Variants in DLG2 observed in about 807,000 individuals in gnomAD.
DLG2 encodes the protein discs large MAGUK scaffold protein 2, also known as disks large homolog 2.
DLG2 carries 45 observed loss-of-function variants against 132.5 expected under a neutral mutation model. The observed-to-expected ratio is 0.34, with a 90% CI of 0.27 to 0.44. The LOEUF (loss-of-function observed/expected upper bound fraction) is 0.44. Ranked by LOEUF, DLG2 falls within the 20% of genes least tolerant of loss-of-function variation. The pLI is 1.00. For missense variants in DLG2, 1,045 were observed against 1,196.9 expected, an observed-to-expected ratio of 0.87 and a Z score of 1.87; for synonymous variants, 424 against 419.6, an observed-to-expected ratio of 1.01 and a Z score of -0.13.
chr11:83,633,372 A>G, intron 18 of DLG2, 47 bp from the exon 19 acceptor site: 1 of 1,523,788 alleles, frequency 6.6e-7, no homozygotes, highest in Non-Finnish European at 9.0e-7. Flanking sequence ...TGCCCTCAAG[A>G]GTTGGAAATG....
intron 6 of DLG2, among the ~76,000 whole-genome samples, chr11:84,638,229 A>G (rs1366494896): frequency 6.6e-6 from 1 of 152,254 alleles, no homozygotes; most frequent in African/African-American, 2.4e-5. Flanking sequence ...ATCCTTGCTT[A>G]ACCTCCTGCA....
intron 14 of DLG2, among the ~76,000 whole-genome samples, chr11:83,949,447 G>T (rs2154145868): frequency 6.9e-6 from 1 of 145,118 alleles, no homozygotes. Flanking sequence ...GGGGAAGGAG[G>T]AAGCAATTTA....
chr11:85,179,062 A>T (rs1275662353), intron 4 of DLG2, among the ~76,000 whole-genome samples: 1 of 151,968 alleles, frequency 6.6e-6, no homozygotes, highest in Non-Finnish European at 1.5e-5. Context: ...TCAGACACAC[A>T]AGAGTAAAAC....
chr11:84,550,751 T>C (rs2099400254), intron 6 of DLG2, among the ~76,000 whole-genome samples: 1 of 152,198 alleles, frequency 6.6e-6, no homozygotes, highest in Non-Finnish European at 1.5e-5. Flanking sequence ...CCATTATTCA[T>C]TCATCCAACA....
chr11:85,020,862 T>C, intron 6 of DLG2: 1 of 759,474 alleles, frequency 1.3e-6, no homozygotes, highest in Non-Finnish European at 2.5e-6. Flanking sequence ...ATTGTCATCA[T>C]CCAGTAGGTC....
At chr11:85,428,172 A>G (rs976557423) in intron 3 of DLG2, among the ~76,000 whole-genome samples, 5 of 152,216 alleles carry the variant, frequency 3.3e-5, no homozygotes, top group African/African-American at 1.2e-4. Flanking sequence ...CCACACAATA[A>G]TAATGGGAGA....
At chr11:85,276,396 G>A (rs142797382) in intron 4 of DLG2, among the ~76,000 whole-genome samples, 1 of 152,184 alleles carries the variant, frequency 6.6e-6, no homozygotes, top group East Asian at 1.9e-4. Flanking sequence ...AATCAAATCT[G>A]AAATAGGAAA....
intron 7 of DLG2, among the ~76,000 whole-genome samples, chr11:84,524,154 G>T (rs528540750): frequency 3.1e-4 from 47 of 152,266 alleles, no homozygotes; most frequent in Non-Finnish European, 5.7e-4. Context: ...GAAAGTTTAC[G>T]AATCTGTGCT....
At chr11:83,771,182 T>C (rs763455356) in intron 18 of DLG2, among the ~76,000 whole-genome samples, 2 of 152,184 alleles carry the variant, frequency 1.3e-5, no homozygotes, top group Non-Finnish European at 2.9e-5. Flanking sequence ...AAGCAACTAT[T>C]TGTCTGCAAT....
At chr11:85,588,563 A>T (rs573557387) in intron 3 of DLG2, among the ~76,000 whole-genome samples, 22 of 152,228 alleles carry the variant, frequency 1.4e-4, no homozygotes, top group Admixed American at 2.6e-4. Flanking sequence ...ATTTCTCTGT[A>T]GCATTTTTCA....
At chr11:84,774,466 C>T (rs542400163) in intron 6 of DLG2, among the ~76,000 whole-genome samples, 4 of 152,048 alleles carry the variant, frequency 2.6e-5, no homozygotes, top group African/African-American at 7.2e-5. Context: ...TATGGAACAA[C>T]ACAACAAAAA....
At chr11:85,198,517 C>T (rs997288372) in intron 4 of DLG2, among the ~76,000 whole-genome samples, 6 of 151,934 alleles carry the variant, frequency 3.9e-5, no homozygotes, top group Non-Finnish European at 5.9e-5. Flanking sequence ...TATAAATGTA[C>T]ACATTATAGA....
rs180727068 is a variant in DLG2 at position 84,751,278 on chromosome 11, T to A, written c.358-216547A>T. The stretch of plus-strand genomic sequence containing the variant: ...ACTGTTCTAATAAGCATATGTGCTT[T>A]ATCTCACTTAATCCTCAAAAGAACA... On this transcript the variant is annotated intron_variant, in intron 6 of 27. Transcript: ENST00000376104. Among the ~76,000 whole-genome samples, 106 of 152,286 alleles carry A rather than the reference T, an allele frequency of 7.0e-4. No individual in the cohort carries two copies. The East Asian group carries it at 0.011, about 16-fold the overall frequency.
chr11:84,813,057 C>G (rs928628808), intron 6 of DLG2, among the ~76,000 whole-genome samples: 1 of 152,020 alleles, frequency 6.6e-6, no homozygotes, highest in East Asian at 1.9e-4. Context: ...GCTGTTTATC[C>G]TTAAAAAGGC....
Position 84,784,362 on chromosome 11 carries a change from A to AATTAATT in DLG2, c.358-249632_358-249631insAATTAAT, listed in dbSNP as rs1555220705. 6.7e-3 allele frequency among the ~76,000 whole-genome samples: 943 copies of AATTAATT among 140,144 alleles called. 2 individuals are homozygous for AATTAATT. Among genetic ancestry groups the AATTAATT allele is most frequent in the South Asian group, 0.012 (48 of 4,146 alleles). The allele number at this position is 140,144 out of a possible 152,430, so 91.9% of individuals were successfully genotyped here. ...TAAATAAATAAATAAATAAATAAAT[A>AATTAATT]AATAAATTAAACAAGAGTATAGAAC... On this transcript the variant is annotated intron_variant, in intron 6 of 27. Coordinates refer to ENST00000376104, the MANE Select transcript of DLG2 (RefSeq NM_001142699.3).
chr11:84,483,709 G>T (rs998353185), intron 7 of DLG2, among the ~76,000 whole-genome samples: 3 of 152,134 alleles, frequency 2.0e-5, no homozygotes, highest in Non-Finnish European at 4.4e-5. Context: ...AGGTACTTTT[G>T]AATTGCAAAA....
intron 15 of DLG2, among the ~76,000 whole-genome samples, chr11:83,897,715 G>A (rs938651956): frequency 2.6e-5 from 4 of 152,198 alleles, no homozygotes; most frequent in East Asian, 3.9e-4. Context: ...AGATAAAGGA[G>A]TGAATAAAAT....
intron 3 of DLG2, among the ~76,000 whole-genome samples, chr11:85,477,857 T>C (rs1406951270): frequency 6.6e-6 from 1 of 152,198 alleles, no homozygotes; most frequent in African/African-American, 2.4e-5. Context: ...AATAATGTAT[T>C]CATAGCGTTT....
chr11:84,696,617 T>A (rs779845152), intron 6 of DLG2, among the ~76,000 whole-genome samples: 2 of 151,096 alleles, frequency 1.3e-5, no homozygotes, highest in Non-Finnish European at 3.0e-5. Flanking sequence ...GAACACAAAG[T>A]CAAGGAAGCA....
Sources: allele counts gnomAD v4.1 joint callset (sites outside exome capture counted in the v4.1 genomes callset), GRCh38; gene constraint gnomAD v4.1.1; transcripts MANE v1.5; gene names NCBI Gene and HGNC (gene_info 2026-07-23, HGNC 2026-07-21).